SETBP1: variants seen among roughly 807,000 people sequenced by gnomAD.
The protein encoded by SETBP1 is SET-binding protein.
SETBP1 carries 9 observed loss-of-function variants against 101.0 expected under a neutral mutation model. The observed-to-expected ratio is 0.09, with a 90% CI of 0.05 to 0.16. The LOEUF is 0.16. SETBP1 is among the 10% of genes least tolerant of loss of function. The probability of loss-of-function intolerance (pLI) is 1.00; values close to 1 mark genes in which losing one functional copy is unlikely to be tolerated. For missense variants in SETBP1, 1,858 were observed against 2,033.8 expected (o/e 0.91, Z 1.66); for synonymous variants, 818 against 788.5 (o/e 1.04, Z -0.63).
chr18:44,686,457 T>C (rs549857674), intron 1 of SETBP1, among the ~76,000 whole-genome samples: 2 of 152,236 alleles, frequency 1.3e-5, no homozygotes, highest in East Asian at 3.9e-4. Flanking sequence ...AGCTAACTAG[T>C]TCCTTCTTCC....
chr18:45,016,739 A>G (rs868012963), intron 4 of SETBP1, among the ~76,000 whole-genome samples: 2,832 of 135,836 alleles, frequency 0.021, 88 homozygotes, highest in African/African-American at 0.068. Flanking sequence ...GCGCACACAC[A>G]CACACACACA....
At chr18:45,025,449 A>C (rs2145434568) in intron 4 of SETBP1, among the ~76,000 whole-genome samples, 1 of 152,296 alleles carries the variant, frequency 6.6e-6, no homozygotes, top group Middle Eastern at 3.4e-3. Context: ...GTCTGACTGA[A>C]CTACTAGAGA....
In SETBP1 at chr18:44,805,751, C is replaced by T. The variant is rs542877931; in HGVS notation, c.487-63479C>T. ...GCCATAGCCTGACCATGGCCTTGAG[C>T]TCAGCGCTGAGCTTGTAGGGCTAGA... On this transcript the variant is annotated intron_variant, in intron 2 of 5. Coordinates refer to ENST00000649279, the MANE Select transcript of SETBP1 (RefSeq NM_015559.3). Among the ~76,000 whole-genome samples, 5 of 152,206 alleles carry T rather than the reference C, an allele frequency of 3.3e-5. No homozygotes were observed. In the South Asian group the frequency reaches 1.0e-3, roughly 32 times the overall value.
intron 2 of SETBP1, among the ~76,000 whole-genome samples, chr18:44,834,978 G>A (rs975292647): frequency 2.6e-5 from 4 of 152,194 alleles, no homozygotes; most frequent in East Asian, 1.9e-4. Context: ...GGCTTATGAA[G>A]TATGAGGTGG....
chr18:44,839,201 A>C (rs918201683), intron 2 of SETBP1, among the ~76,000 whole-genome samples: 1 of 152,226 alleles, frequency 6.6e-6, no homozygotes, highest in African/African-American at 2.4e-5. Flanking sequence ...GCAGTGTCTT[A>C]AACAGTTTAC....
intron 1 of SETBP1, among the ~76,000 whole-genome samples, chr18:44,693,872 T>G (rs2068973698): frequency 6.6e-6 from 1 of 152,154 alleles, no homozygotes; most frequent in African/African-American, 2.4e-5. Context: ...AAGACTTCCC[T>G]CCCTGACATC....
chr18:44,838,943 T>C (rs1336356684), intron 2 of SETBP1, among the ~76,000 whole-genome samples: 1 of 152,154 alleles, frequency 6.6e-6, no homozygotes, highest in Non-Finnish European at 1.5e-5. Context: ...ATCCCATTTT[T>C]AAGAGAATGA....
chr18:45,020,258 TAAAAAAAAA>T (rs57134217), intron 4 of SETBP1, among the ~76,000 whole-genome samples: 7 of 53,086 alleles, frequency 1.3e-4, no homozygotes, highest in South Asian at 1.5e-3. Context: ...GACTCTGTCT[TAAAAAAAAA>T]AAAAAAAAAA....
At chr18:44,955,741 AAC>A (rs756741534) in intron 4 of SETBP1, among the ~76,000 whole-genome samples, 23 of 152,148 alleles carry the variant, frequency 1.5e-4, no homozygotes, top group Non-Finnish European at 2.5e-4. Flanking sequence ...CTGTGTTTAG[AAC>A]ACAGCTCTTG....
intron 4 of SETBP1, among the ~76,000 whole-genome samples, chr18:44,995,262 C>T (rs1231196894): frequency 6.6e-6 from 1 of 151,504 alleles, no homozygotes; most frequent in Non-Finnish European, 1.5e-5. Flanking sequence ...CTGCCTCAGC[C>T]TCCCGAGTAG....
chr18:44,943,040 C>A (rs925519562), intron 3 of SETBP1, among the ~76,000 whole-genome samples: 15 of 152,144 alleles, frequency 9.9e-5, no homozygotes, highest in South Asian at 4.1e-4. Context: ...ATCAAAGAAT[C>A]ATAAGATCAT....
intron 2 of SETBP1, among the ~76,000 whole-genome samples, chr18:44,776,395 T>C (rs1284366280): frequency 6.6e-6 from 1 of 151,910 alleles, no homozygotes; most frequent in African/African-American, 2.4e-5. Flanking sequence ...CCAAAGAAAA[T>C]ATGATTTCAA....
rs765926488 is a variant in SETBP1 at position 44,701,619 on chromosome 18, T to C, written c.273T>C (p.Phe91=). The change falls in exon 2 of 6, where the codon TTT becomes TTC. Residue 91 remains phenylalanine (F), a synonymous_variant. Coordinates refer to ENST00000649279, the MANE Select transcript of SETBP1 (RefSeq NM_015559.3). ...VAGDGLEEQE[F]SIKEANFTEG... ...GAGATGGTTTGGAAGAGCAGGAATTTTCTATCAAGGAGGCAAACTTCACAG... is the reference window on the plus strand; with the variant it reads ...GAGATGGTTTGGAAGAGCAGGAATTCTCTATCAAGGAGGCAAACTTCACAG... The C allele has an allele frequency of 5.0e-6, 8 of 1,614,092 alleles. No homozygotes were observed. Among genetic ancestry groups the C allele is most frequent in the Non-Finnish European group, 6.8e-6 (8 of 1,180,018 alleles).
intron 2 of SETBP1, among the ~76,000 whole-genome samples, chr18:44,749,943 G>C (rs527534090): frequency 6.6e-6 from 1 of 152,040 alleles, no homozygotes; most frequent in East Asian, 1.9e-4. Flanking sequence ...AATGAAGAAG[G>C]ATGGCTGGGT....
At chr18:44,931,637 T>C (rs1207355503) in intron 3 of SETBP1, among the ~76,000 whole-genome samples, 1 of 152,186 alleles carries the variant, frequency 6.6e-6, no homozygotes, top group Non-Finnish European at 1.5e-5. Flanking sequence ...ATTGGGTGCA[T>C]ATATATTTAG....
At chr18:45,004,661 G>T (rs1345832409) in intron 4 of SETBP1, among the ~76,000 whole-genome samples, 2 of 152,224 alleles carry the variant, frequency 1.3e-5, no homozygotes, top group Non-Finnish European at 2.9e-5. Context: ...CTTTTAGGCA[G>T]AGAGTGTGGC....
chr18:44,974,139 TG>T (rs1198286318), intron 4 of SETBP1, among the ~76,000 whole-genome samples: 3 of 152,206 alleles, frequency 2.0e-5, no homozygotes, highest in Non-Finnish European at 4.4e-5. Context: ...TTGATCACAT[TG>T]TTATGAAAGT....
chr18:44,955,414 C>T (rs80099484), intron 4 of SETBP1, among the ~76,000 whole-genome samples: 1,749 of 152,282 alleles, frequency 0.011, 33 homozygotes, highest in African/African-American at 0.04. Context: ...ACTAATTCTC[C>T]GTGTGCCCTT....
intron 2 of SETBP1, among the ~76,000 whole-genome samples, chr18:44,811,157 C>A (rs1421830908): frequency 6.6e-6 from 1 of 152,176 alleles, no homozygotes; most frequent in African/African-American, 2.4e-5. Context: ...GGTATTAGAC[C>A]AGACCTGAAA....
Sources: allele counts gnomAD v4.1 joint callset (sites outside exome capture counted in the v4.1 genomes callset), GRCh38; gene constraint gnomAD v4.1.1; transcripts MANE v1.5; gene names NCBI Gene and HGNC (gene_info 2026-07-23, HGNC 2026-07-21).